The following AUTS2 variants were observed in gnomAD, a reference collection of about 807,000 sequenced individuals.
AUTS2 encodes the protein autism susceptibility gene 2 protein.
AUTS2 carries 17 observed loss-of-function variants against 112.4 expected under a neutral mutation model. The observed-to-expected ratio is 0.15, with a 90% CI of 0.10 to 0.23. The LOEUF (loss-of-function observed/expected upper bound fraction) is 0.23. Ranked by LOEUF, AUTS2 falls within the 10% of genes least tolerant of loss-of-function variation. AUTS2 has a pLI of 1.00. For missense variants in AUTS2, 1,510 were observed against 1,701.6 expected (o/e 0.89, Z 1.98); for synonymous variants, 751 against 702.7 (o/e 1.07, Z -1.09).
intron 5 of AUTS2, among the ~76,000 whole-genome samples, chr7:70,615,116 T>C (rs1804288834): frequency 1.3e-5 from 2 of 152,194 alleles, no homozygotes. Flanking sequence ...CCCTGTCGTC[T>C]TTTTCCTTTC....
chr7:70,620,162 A>G (rs560849919), intron 5 of AUTS2, among the ~76,000 whole-genome samples: 1 of 152,192 alleles, frequency 6.6e-6, no homozygotes, highest in South Asian at 2.1e-4. Context: ...AGCACATAGC[A>G]CTGGTACACC....
rs1795147620 is a variant in AUTS2, at chr7:69,906,330, C to G, written c.522+6832C>G. Among the ~76,000 whole-genome samples, 2 of 152,238 alleles carry G rather than the reference C, an allele frequency of 1.3e-5. 1 individual carries two copies. Among genetic ancestry groups the G allele is most frequent in the South Asian group, 4.1e-4 (2 of 4,832 alleles). Reference sequence around the variant, plus strand: ...GCCTCTGTACATTCTGCATTCTAATCTCTGTTCACAGCAATCTTGTATCCA... The same window carrying G: ...GCCTCTGTACATTCTGCATTCTAATGTCTGTTCACAGCAATCTTGTATCCA... On this transcript the variant is annotated intron_variant, in intron 2 of 18. Coordinates refer to ENST00000342771, the MANE Select transcript of AUTS2 (RefSeq NM_015570.4).
chr7:70,786,253 G>A (rs958484904), intron 17 of AUTS2, among the ~76,000 whole-genome samples: 4 of 152,180 alleles, frequency 2.6e-5, no homozygotes, highest in Non-Finnish European at 5.9e-5. Context: ...CAGTTCTGAG[G>A]GGCAGGAACG....
chr7:69,974,929 T>C (rs1001968440), intron 2 of AUTS2, among the ~76,000 whole-genome samples: 1 of 152,184 alleles, frequency 6.6e-6, no homozygotes. Flanking sequence ...ACTGTATCAT[T>C]GCTCTTTCTT....
intron 1 of AUTS2, among the ~76,000 whole-genome samples, chr7:69,817,350 T>C (rs1206827093): frequency 6.6e-6 from 1 of 152,232 alleles, no homozygotes; most frequent in Admixed American, 6.5e-5. Flanking sequence ...ATTCCTGTCT[T>C]ACTCATTCCT....
chr7:70,388,691 A>G (rs928287890), intron 4 of AUTS2, among the ~76,000 whole-genome samples: 1 of 152,218 alleles, frequency 6.6e-6, no homozygotes, highest in African/African-American at 2.4e-5. Context: ...GGTTAGAAAG[A>G]GATAGTTATC....
chr7:69,683,276 G>A (rs1796891546), intron 1 of AUTS2, among the ~76,000 whole-genome samples: 1 of 152,164 alleles, frequency 6.6e-6, no homozygotes. Context: ...TCTCTACCTG[G>A]CTGGTCGCCA....
At chr7:70,628,724 G>A (rs1010543510) in intron 5 of AUTS2, among the ~76,000 whole-genome samples, 1 of 152,138 alleles carries the variant, frequency 6.6e-6, no homozygotes, top group Non-Finnish European at 1.5e-5. Context: ...TTAGGATGCT[G>A]TTACATTCAA....
intron 4 of AUTS2, among the ~76,000 whole-genome samples, chr7:70,285,058 T>C (rs1335781414): frequency 1.3e-5 from 2 of 152,206 alleles, no homozygotes; most frequent in Admixed American, 1.3e-4. Flanking sequence ...ATACTGTAAT[T>C]TGAAAGTAGT....
At chr7:70,224,552 C>T (rs1437271699) in intron 4 of AUTS2, among the ~76,000 whole-genome samples, 1 of 151,928 alleles carries the variant, frequency 6.6e-6, no homozygotes, top group Non-Finnish European at 1.5e-5. Flanking sequence ...AAAAACATTA[C>T]AGTAGGCTAA....
At chr7:70,753,927 C>T (rs1005532602) in intron 6 of AUTS2, among the ~76,000 whole-genome samples, 6 of 152,060 alleles carry the variant, frequency 3.9e-5, no homozygotes, top group East Asian at 1.9e-4. Context: ...GAGGCCGAGG[C>T]GGGTGGATCA....
intron 1 of AUTS2, among the ~76,000 whole-genome samples, chr7:69,802,763 G>T (rs576955945): frequency 2.6e-5 from 4 of 152,246 alleles, no homozygotes; most frequent in African/African-American, 7.2e-5. Flanking sequence ...CTATGCTTTG[G>T]GTTTAATGCT....
chr7:69,787,944 A>T (rs1789451122), intron 1 of AUTS2, among the ~76,000 whole-genome samples: 1 of 152,118 alleles, frequency 6.6e-6, no homozygotes, highest in South Asian at 2.1e-4. Context: ...AACTTTTATT[A>T]AGGACAGATT....
At chr7:70,745,495 C>T (rs1788395278) in intron 6 of AUTS2, among the ~76,000 whole-genome samples, 1 of 152,162 alleles carries the variant, frequency 6.6e-6, no homozygotes, top group Non-Finnish European at 1.5e-5. Flanking sequence ...CCTCTGACAG[C>T]TCCTCATAAC....
chr7:70,438,119 C>T (rs893912256), intron 5 of AUTS2, among the ~76,000 whole-genome samples: 1 of 152,062 alleles, frequency 6.6e-6, no homozygotes, highest in African/African-American at 2.4e-5. Flanking sequence ...CTCTGGTTGT[C>T]AGAGGGATCT....
chr7:70,702,821 C>G (rs992457662), intron 6 of AUTS2, among the ~76,000 whole-genome samples: 2 of 152,222 alleles, frequency 1.3e-5, no homozygotes, highest in African/African-American at 2.4e-5. Flanking sequence ...TGCTTTTCCT[C>G]TCCCGGGCCC....
At chr7:69,837,778 A>G (rs1173665365) in intron 1 of AUTS2, among the ~76,000 whole-genome samples, 1 of 152,220 alleles carries the variant, frequency 6.6e-6, no homozygotes, top group Admixed American at 6.5e-5. Flanking sequence ...AGCATAAGAA[A>G]TAAAGTGACA....
intron 1 of AUTS2, among the ~76,000 whole-genome samples, chr7:69,763,581 A>G (rs1004094750): frequency 1.3e-5 from 2 of 152,188 alleles, no homozygotes; most frequent in Non-Finnish European, 2.9e-5. Context: ...GACTAGACCG[A>G]GACTGTGGGT....
intron 5 of AUTS2, among the ~76,000 whole-genome samples, chr7:70,693,210 G>A (rs1220379011): frequency 6.6e-6 from 1 of 152,180 alleles, no homozygotes; most frequent in East Asian, 1.9e-4. Context: ...GGTTGCTCAG[G>A]GGAATCTGCT....
Sources: allele counts gnomAD v4.1 joint callset (sites outside exome capture counted in the v4.1 genomes callset), GRCh38; gene constraint gnomAD v4.1.1; transcripts MANE v1.5; gene names NCBI Gene and HGNC (gene_info 2026-07-23, HGNC 2026-07-21).